Variants in CPQ observed in about 807,000 individuals in gnomAD.
CPQ encodes carboxypeptidase Q.
In CPQ, 37 loss-of-function variants were observed where a neutral mutation model predicts 45.7. The ratio of observed to expected loss-of-function variants is 0.81; its 90% CI spans 0.62 to 1.07. The LOEUF (loss-of-function observed/expected upper bound fraction) is 1.07, where lower values mean the gene tolerates loss of function less well. CPQ is among the 50% of genes least tolerant of loss of function. The probability of loss-of-function intolerance (pLI) is 0.00; values close to 1 mark genes in which losing one functional copy is unlikely to be tolerated. For synonymous variants in CPQ, 186 were observed against 205.8 expected (o/e 0.90, Z 0.82); for missense variants, 537 against 572.9 (o/e 0.94, Z 0.64).
intron 1 of CPQ, among the ~76,000 whole-genome samples, chr8:96,661,867 A>G (rs1815705641): frequency 1.3e-5 from 2 of 152,118 alleles, no homozygotes; most frequent in South Asian, 2.1e-4. Context: ...CTGTCAAACT[A>G]TTTTCCAAAG....
intron 5 of CPQ, among the ~76,000 whole-genome samples, chr8:97,011,660 G>C (rs996399276): frequency 1.3e-5 from 2 of 152,136 alleles, no homozygotes; most frequent in Non-Finnish European, 2.9e-5. Flanking sequence ...CTACCTCTCA[G>C]TTTTATTATT....
intron 7 of CPQ, among the ~76,000 whole-genome samples, chr8:97,119,917 G>A (rs139267914): frequency 6.4e-4 from 97 of 152,262 alleles, no homozygotes; most frequent in Non-Finnish European, 1.2e-3. Flanking sequence ...AAGACAGAGG[G>A]GCCTTCTGGG....
At chr8:96,905,539 G>A (rs1812564624) in intron 4 of CPQ, among the ~76,000 whole-genome samples, 1 of 152,142 alleles carries the variant, frequency 6.6e-6, no homozygotes, top group Non-Finnish European at 1.5e-5. Flanking sequence ...AGAGGTGTGT[G>A]AAGAAAGCAG....
chr8:96,670,907 A>G (rs1160861849), intron 1 of CPQ, among the ~76,000 whole-genome samples: 1 of 151,978 alleles, frequency 6.6e-6, no homozygotes, highest in African/African-American at 2.4e-5. Flanking sequence ...GCGTGGGTGT[A>G]GCTGTAAAAG....
chr8:96,836,599 C>A (rs1381841711), intron 3 of CPQ, among the ~76,000 whole-genome samples: 1 of 152,070 alleles, frequency 6.6e-6, no homozygotes, highest in East Asian at 1.9e-4. Flanking sequence ...CTCCATCACC[C>A]CTTGGAATAA....
intron 3 of CPQ, among the ~76,000 whole-genome samples, chr8:96,876,720 T>G (rs1439519280): frequency 6.6e-6 from 1 of 152,338 alleles, no homozygotes; most frequent in East Asian, 1.9e-4. Context: ...TAAAATAGTA[T>G]ATTACATCAA....
At chr8:97,134,029 C>T (rs1812005363) in intron 7 of CPQ, among the ~76,000 whole-genome samples, 1 of 152,174 alleles carries the variant, frequency 6.6e-6, no homozygotes, top group East Asian at 1.9e-4. Flanking sequence ...GGAGAACTGA[C>T]TTGTCATTCT....
chr8:97,060,738 T>C (rs2130520296), intron 6 of CPQ, among the ~76,000 whole-genome samples: 1 of 152,288 alleles, frequency 6.6e-6, no homozygotes, highest in East Asian at 1.9e-4. Flanking sequence ...TAAAATGAGT[T>C]GGGTGAAATG....
intron 5 of CPQ, among the ~76,000 whole-genome samples, chr8:96,987,738 T>G (rs979032381): frequency 3.3e-5 from 5 of 152,244 alleles, no homozygotes; most frequent in Admixed American, 1.3e-4. Context: ...TAGGCAATCT[T>G]CATGTGAGTT....
intron 5 of CPQ, among the ~76,000 whole-genome samples, chr8:97,022,427 G>C (rs1809704944): frequency 6.6e-6 from 1 of 152,260 alleles, no homozygotes; most frequent in Non-Finnish European, 1.5e-5. Flanking sequence ...AAAAGGAACA[G>C]TCAGCAGAGT....
intron 5 of CPQ, among the ~76,000 whole-genome samples, chr8:96,969,717 A>T (rs938547638): frequency 1.9e-4 from 29 of 152,208 alleles, no homozygotes; most frequent in Non-Finnish European, 4.0e-4. Context: ...GTGGAATTAC[A>T]GGAGAGGTTC....
chr8:96,709,032 T>A (rs1349025734), intron 1 of CPQ, among the ~76,000 whole-genome samples: 6 of 152,176 alleles, frequency 3.9e-5, no homozygotes, highest in Non-Finnish European at 8.8e-5. Context: ...TGTTTATGAA[T>A]CAAGACCATG....
chr8:96,696,406 C>T (rs919777040), intron 1 of CPQ, among the ~76,000 whole-genome samples: 2 of 151,414 alleles, frequency 1.3e-5, no homozygotes, highest in Admixed American at 6.6e-5. Flanking sequence ...CTAACCTGCA[C>T]ATTGTGCACA....
At chr8:96,808,060 G>C (rs970683494) in intron 2 of CPQ, among the ~76,000 whole-genome samples, 1 of 152,178 alleles carries the variant, frequency 6.6e-6, no homozygotes. Flanking sequence ...CCTCTACTGA[G>C]ATCATGACTG....
intron 1 of CPQ, among the ~76,000 whole-genome samples, chr8:96,774,651 C>T (rs1266893514): frequency 5.3e-5 from 8 of 152,092 alleles, no homozygotes; most frequent in Non-Finnish European, 4.4e-5. Flanking sequence ...AAAAACCCCA[C>T]AGTCATTTCT....
At chr8:96,831,657 G>A (rs1322869978) in intron 2 of CPQ, among the ~76,000 whole-genome samples, 1 of 151,980 alleles carries the variant, frequency 6.6e-6, no homozygotes, top group Non-Finnish European at 1.5e-5. Flanking sequence ...AAAGTATTTT[G>A]TACACACCCT....
At chr8:97,138,730 T>A (rs923682758) in intron 7 of CPQ, among the ~76,000 whole-genome samples, 1 of 152,198 alleles carries the variant, frequency 6.6e-6, no homozygotes, top group African/African-American at 2.4e-5. Flanking sequence ...TGGGTTTTAA[T>A]GAGCAGTGGG....
intron 2 of CPQ, among the ~76,000 whole-genome samples, chr8:96,818,484 C>T (rs1811258538): frequency 1.3e-5 from 2 of 152,078 alleles, no homozygotes; most frequent in South Asian, 4.1e-4. Context: ...TATGGATAGA[C>T]TTGCTTGATG....
chr8:96,933,257 C>T (rs142638068), intron 4 of CPQ, among the ~76,000 whole-genome samples: 1 of 152,272 alleles, frequency 6.6e-6, no homozygotes, highest in African/African-American at 2.4e-5. Flanking sequence ...GAGAAAACGC[C>T]AAGTGTGTAG....
Sources: gnomAD v4.1 joint callset for allele counts (sites outside exome capture counted in the v4.1 genomes callset) on GRCh38, gnomAD v4.1.1 for gene constraint, MANE v1.5 for transcripts, NCBI Gene and HGNC (gene_info 2026-07-23, HGNC 2026-07-21) for gene names.